Variants in GRID1 observed in about 807,000 individuals in gnomAD.
GRID1 encodes glutamate ionotropic receptor delta type subunit 1, also known as glutamate receptor ionotropic, delta-1.
In GRID1, 28 loss-of-function variants were observed where a neutral mutation model predicts 98.0. The ratio of observed to expected loss-of-function variants is 0.29; its 90% CI spans 0.21 to 0.39. GRID1 has a LOEUF of 0.39. Among genes scored for constraint, GRID1 ranks in the 10% least tolerant of loss-of-function variants. GRID1 has a pLI of 1.00. For missense variants in GRID1, 1,111 were observed against 1,340.5 expected (o/e 0.83, Z 2.67); for synonymous variants, 553 against 538.5 (o/e 1.03, Z -0.37).
At position 85,643,903 on chromosome 10, in the gene GRID1, A is replaced by AT. The variant is rs1033019033; in HGVS notation, c.2193+3298dup. On this transcript the variant is annotated intron_variant, in intron 13 of 15. Coordinates refer to ENST00000327946, the MANE Select transcript of GRID1 (RefSeq NM_017551.3). ...CCTTTGTTTGCATCGTTTGCTACTGATTTTTTAACATTGTTGTATTCATGA... is the reference window on the plus strand; with the variant it reads ...CCTTTGTTTGCATCGTTTGCTACTGATTTTTTTAACATTGTTGTATTCATGA... Among the ~76,000 whole-genome samples, 6 of 152,288 alleles carry AT rather than the reference A, an allele frequency of 3.9e-5. No individual in the cohort carries two copies. The East Asian group carries it at 1.2e-3, about 29-fold the overall frequency.
intron 11 of GRID1, 46 bp downstream of exon 11, chr10:85,724,306 T>A (rs1435224596): frequency 6.8e-7 from 1 of 1,472,990 alleles, no homozygotes; most frequent in Non-Finnish European, 9.3e-7. Flanking sequence ...GATAAGTTCT[T>A]CCAGGCCCCT....
intron 8 of GRID1, among the ~76,000 whole-genome samples, chr10:85,785,715 G>A (rs1004904018): frequency 6.6e-6 from 1 of 151,964 alleles, no homozygotes; most frequent in African/African-American, 2.4e-5. Flanking sequence ...GTAATAAATG[G>A]TTTACACCCA....
chr10:86,159,043 G>A (rs977388344), intron 3 of GRID1, among the ~76,000 whole-genome samples: 3 of 152,080 alleles, frequency 2.0e-5, no homozygotes, highest in African/African-American at 4.8e-5. Flanking sequence ...ACAGGCGCCC[G>A]CGACCATGCC....
At chr10:85,794,932 A>G (rs988285501) in intron 8 of GRID1, among the ~76,000 whole-genome samples, 7 of 152,274 alleles carry the variant, frequency 4.6e-5, no homozygotes, top group African/African-American at 1.7e-4. Context: ...CTCTTGCACT[A>G]TTTACATAGG....
intron 4 of GRID1, among the ~76,000 whole-genome samples, chr10:86,135,441 G>C (rs982190147): frequency 6.7e-6 from 1 of 150,174 alleles, no homozygotes; most frequent in Non-Finnish European, 1.5e-5. Context: ...CCTGGGATCC[G>C]GAGACCTGAG....
intron 4 of GRID1, among the ~76,000 whole-genome samples, chr10:85,963,497 G>T (rs7914815): frequency 0.13 from 20,376 of 152,130 alleles, 1,487 homozygotes; most frequent in Admixed American, 0.22. Flanking sequence ...TCAAACCTCT[G>T]CTAAGGCTCT....
chr10:85,851,520 T>C (rs1843058249), intron 8 of GRID1, among the ~76,000 whole-genome samples: 1 of 152,208 alleles, frequency 6.6e-6, no homozygotes, highest in South Asian at 2.1e-4. Context: ...TACAGTCTCT[T>C]GATGCCACTT....
chr10:86,320,944 C>CA (rs1431020419), intron 2 of GRID1, among the ~76,000 whole-genome samples: 2 of 151,704 alleles, frequency 1.3e-5, no homozygotes, highest in Admixed American at 6.6e-5. Context: ...CTAAAAAACA[C>CA]AAAAAATTGG....
At chr10:85,929,447 C>G (rs1230151702) in intron 4 of GRID1, among the ~76,000 whole-genome samples, 1 of 152,188 alleles carries the variant, frequency 6.6e-6, no homozygotes, top group Non-Finnish European at 1.5e-5. Flanking sequence ...TGTGAGTTGA[C>G]CAGTGTCATT....
At chr10:85,628,387 G>A (rs1010850941) in intron 13 of GRID1, among the ~76,000 whole-genome samples, 1 of 151,944 alleles carries the variant, frequency 6.6e-6, no homozygotes, top group Non-Finnish European at 1.5e-5. Flanking sequence ...TGTGTAGGTT[G>A]ATGAGTGTGT....
At chr10:86,090,433 A>G (rs903279755) in intron 4 of GRID1, among the ~76,000 whole-genome samples, 5 of 151,986 alleles carry the variant, frequency 3.3e-5, no homozygotes, top group African/African-American at 1.2e-4. Context: ...AAATAAAAAG[A>G]TATAATAATA....
At chr10:85,658,969 T>C (rs1189591652) in intron 12 of GRID1, among the ~76,000 whole-genome samples, 2 of 152,230 alleles carry the variant, frequency 1.3e-5, no homozygotes, top group African/African-American at 4.8e-5. Flanking sequence ...AGGATTGTTA[T>C]AACTGAGTTT....
intron 4 of GRID1, among the ~76,000 whole-genome samples, chr10:86,069,929 C>T (rs1843779559): frequency 6.6e-6 from 1 of 152,094 alleles, no homozygotes. Flanking sequence ...GCCACTCACT[C>T]TTGGCCATGG....
At chr10:85,669,754 G>A (rs1015799300) in intron 12 of GRID1, among the ~76,000 whole-genome samples, 1 of 152,158 alleles carries the variant, frequency 6.6e-6, no homozygotes, top group Non-Finnish European at 1.5e-5. Flanking sequence ...GCTCCAACTG[G>A]AAGCCACCTT....
chr10:86,343,308 T>C (rs1425006063), intron 2 of GRID1, among the ~76,000 whole-genome samples: 1 of 152,206 alleles, frequency 6.6e-6, no homozygotes, highest in African/African-American at 2.4e-5. Context: ...CAAAAGAAGA[T>C]TTCAAAGCCC....
intron 15 of GRID1, among the ~76,000 whole-genome samples, chr10:85,603,176 G>T (rs569796916): frequency 6.6e-6 from 1 of 152,330 alleles, no homozygotes; most frequent in East Asian, 1.9e-4. Context: ...TCAGGCTCAG[G>T]AAGGTTCAAT....
intron 4 of GRID1, among the ~76,000 whole-genome samples, chr10:85,942,444 C>T (rs1250641545): frequency 5.9e-5 from 9 of 152,310 alleles, no homozygotes; most frequent in Non-Finnish European, 1.2e-4. Context: ...TCCTTCCCCA[C>T]ACTAGGGGGA....
At chr10:85,995,901 C>T (rs750947553) in intron 4 of GRID1, among the ~76,000 whole-genome samples, 13 of 152,314 alleles carry the variant, frequency 8.5e-5, no homozygotes, top group Admixed American at 2.0e-4. Flanking sequence ...GCTGCTCATA[C>T]GTGGATAGGA....
At chr10:86,036,189 G>A (rs971704756) in intron 4 of GRID1, among the ~76,000 whole-genome samples, 38 of 152,330 alleles carry the variant, frequency 2.5e-4, no homozygotes, top group African/African-American at 8.4e-4. Flanking sequence ...GACTGGTACT[G>A]GGTGGCTACG....
Sources: gnomAD v4.1 joint callset for allele counts (sites outside exome capture counted in the v4.1 genomes callset) on GRCh38, gnomAD v4.1.1 for gene constraint, MANE v1.5 for transcripts, NCBI Gene and HGNC (gene_info 2026-07-23, HGNC 2026-07-21) for gene names.